The following USP44 variants were observed in gnomAD, a reference collection of about 807,000 sequenced individuals.
The protein encoded by USP44 is ubiquitin carboxyl-terminal hydrolase 44.
Under a neutral mutation model 69.0 loss-of-function variants are expected in USP44, and 61 were observed. The observed-to-expected ratio is 0.88, with a 90% CI of 0.72 to 1.09. USP44 has a LOEUF of 1.09. Ranked by LOEUF, USP44 falls within the 50% of genes least tolerant of loss-of-function variation. The probability of loss-of-function intolerance (pLI) is 0.00; values close to 1 mark genes in which losing one functional copy is unlikely to be tolerated. For missense variants in USP44, 753 were observed against 849.9 expected, an observed-to-expected ratio of 0.89 and a Z score of 1.42; for synonymous variants, 297 against 295.4, an observed-to-expected ratio of 1.01 and a Z score of -0.06.
intron 1 of USP44, among the ~76,000 whole-genome samples, chr12:95,537,054 A>G (rs2077228829): frequency 6.6e-6 from 1 of 152,206 alleles, no homozygotes; most frequent in African/African-American, 2.4e-5. Context: ...TGAATTACAA[A>G]GAGCTCTGGA....
intron 4 of USP44, among the ~76,000 whole-genome samples, chr12:95,523,847 C>T (rs2140231744): frequency 6.6e-6 from 1 of 151,050 alleles, no homozygotes; most frequent in East Asian, 1.9e-4. Context: ...TTCTGCTGGG[C>T]ACGGTGGCTC....
rs924321580 is a variant in USP44 at position 95,548,641 on chromosome 12, C to T, written c.-71+2631G>A. The T allele has an allele frequency of 6.6e-6, 1 of 152,316 alleles. No individual in the cohort carries two copies. Among genetic ancestry groups the T allele is most frequent in the Admixed American group, 6.5e-5 (1 of 15,284 alleles). 9.4% of individuals were successfully genotyped at this position (152,316 alleles called of 1,614,324 possible). On this transcript the variant is annotated intron_variant, in intron 1 of 5. Transcript: ENST00000258499. This position sits in a 1 kb window ranked among gnomAD's most constrained non-coding sequence, Gnocchi z 4.1. ...CAGGCTCTCCCTCTCTCAGGACCCC[C>T]CAGCGCCCTGCGCGGCGAGAATAGG...
rs925752432 is a variant in USP44 at position 95,533,955 on chromosome 12, G to A, written c.302C>T (p.Thr101Ile). The A allele has an allele frequency of 1.2e-6, 2 of 1,614,010 alleles. No homozygotes were observed. The highest frequency in any genetic ancestry group is 1.7e-6 in the Non-Finnish European group (2 of 1,180,032). The change falls in exon 2 of 6, where the codon ACA becomes ATA. Residue 101 changes from threonine (T) to isoleucine (I), a missense_variant. Coordinates refer to ENST00000258499, the MANE Select transcript of USP44 (RefSeq NM_032147.5). Reference protein sequence around the residue: ...TTGDLKLLRRTLSAIKSQNYH... With the variant: ...TTGDLKLLRRILSAIKSQNYH... ...ATTTTGACTTTTGATGGCACTTAAT[G>A]TACGTCGTAGTAACTTCAGGTCTCC...
chr12:95,521,989 C>T lies in USP44; in HGVS notation c.1734-787G>A, dbSNP rs1224545743. The T allele has an allele frequency of 7.3e-6, 7 of 958,226 alleles. No individual in the cohort carries two copies. The South Asian group carries it at 1.5e-4, about 20-fold the overall frequency. 59.4% of individuals were successfully genotyped at this position (958,226 alleles called of 1,614,324 possible). On this transcript the variant is annotated intron_variant, in intron 4 of 5. Coordinates refer to ENST00000258499, the MANE Select transcript of USP44 (RefSeq NM_032147.5). ...CTCGCTGTGTGTAAGTCAGCACAAC[C>T]GCCCATTGGTGACAGAACTGAAAGA...
chr12:95,535,267 A>T (rs2077163249), intron 1 of USP44: 1 of 152,218 alleles, frequency 6.6e-6, no homozygotes, highest in South Asian at 2.1e-4. Context: ...CACATGGTAA[A>T]TGGTAGTTTT....
chr12:95,543,026 T>C (rs1389938514), intron 1 of USP44, among the ~76,000 whole-genome samples: 1 of 143,724 alleles, frequency 7.0e-6, no homozygotes, highest in Non-Finnish European at 1.5e-5. Context: ...AGGCGGAGCT[T>C]GCAGTAAGCC....
rs765468256 is a variant in USP44, at chr12:95,524,721, GC to G, written c.1691del (p.Cys564SerfsTer35). 7.4e-6 allele frequency: 12 copies of G among 1,612,140 alleles called. No homozygotes were observed. Among genetic ancestry groups the G allele is most frequent in the African/African-American group, 1.3e-5 (1 of 74,812 alleles). ...LTEAQKQLMI[C>X]HLPQVLRLHL... ...GCAGTCTGAGAACCTGAGGTAGGTG[GC>G]ATATCATAAGTTGTTTCTGGGCTTC... On this transcript the variant is annotated frameshift_variant, in exon 4 of 6. Transcript: ENST00000258499. LOFTEE classifies it high-confidence loss of function.
At chr12:95,530,342 T>G (rs180997612) in intron 2 of USP44, among the ~76,000 whole-genome samples, 2 of 152,256 alleles carry the variant, frequency 1.3e-5, no homozygotes, top group Admixed American at 1.3e-4. Context: ...CATCCCAGTC[T>G]GGGTGTAGTG....
At chr12:95,546,247 A>G (rs985156144) in intron 1 of USP44, among the ~76,000 whole-genome samples, 7 of 152,096 alleles carry the variant, frequency 4.6e-5, no homozygotes, top group African/African-American at 1.4e-4. Context: ...GAATTCAAAT[A>G]CTCTGTGTGT....
At chr12:95,538,507 A>C (rs2077277962) in intron 1 of USP44, among the ~76,000 whole-genome samples, 1 of 150,554 alleles carries the variant, frequency 6.6e-6, no homozygotes, top group African/African-American at 2.5e-5. Context: ...CTAAGAACTA[A>C]GGTCTGACCT....
chr12:95,521,403 T>C (rs2076658025), intron 4 of USP44, among the ~76,000 whole-genome samples: 1 of 152,174 alleles, frequency 6.6e-6, no homozygotes, highest in South Asian at 2.1e-4. Context: ...GATGATAATG[T>C]AGGAAAAAAA....
intron 1 of USP44, chr12:95,547,851 C>T (rs1294615982): frequency 6.6e-6 from 1 of 152,124 alleles, no homozygotes; most frequent in Non-Finnish European, 1.5e-5. Flanking sequence ...CCAAGGGTTC[C>T]TAAATGGTTT....
In USP44 at chr12:95,532,814, C is replaced by T. The variant is rs777949426; in HGVS notation, c.1428+15G>A. 1.3e-6 allele frequency: 2 copies of T among 1,548,982 alleles called. No homozygotes were observed. The highest frequency in any genetic ancestry group is 4.1e-5 in the Admixed American group (2 of 48,420). On this transcript the variant is annotated intron_variant, in intron 2 of 5. Transcript: ENST00000258499. Reference sequence around the variant, plus strand: ...AACTCCCAATGATGAAAATAAGATTCTTAAAAATCCATACCTGACTAAGAA... The same window carrying T: ...AACTCCCAATGATGAAAATAAGATTTTTAAAAATCCATACCTGACTAAGAA...
At chr12:95,524,902 G>A in intron 3 of USP44, 114 bp from the exon 4 acceptor site, 1 of 952,380 alleles carries the variant, frequency 1.0e-6, no homozygotes. Context: ...TGTGTTCCAG[G>A]CATTGTACTG....
intron 1 of USP44, among the ~76,000 whole-genome samples, chr12:95,539,692 A>G (rs913869979): frequency 2.4e-4 from 37 of 152,202 alleles, no homozygotes; most frequent in African/African-American, 8.9e-4. Context: ...TTTCACACCT[A>G]TGACTGAGCA....
In USP44 at chr12:95,533,074, C is replaced by T. The variant is rs749184232; in HGVS notation, c.1183G>A (p.Gly395Arg). The stretch of plus-strand genomic sequence containing the variant: ...AATGGTGAGACCAACGCCCACTTTC[C>T]AGACCACATGACTTGGAACAAAGTA... Reference protein sequence around the residue: ...LHTLFQVMWSGKWALVSPFAM... With the variant: ...LHTLFQVMWSRKWALVSPFAM... Residue 395 changes from glycine to arginine, a missense_variant, in exon 2 of 6, where the codon GGA becomes AGA. By Grantham distance (125) the Gly-to-Arg change is moderately radical. Transcript: ENST00000258499. The T allele has an allele frequency of 3.7e-6, 6 of 1,614,216 alleles. No homozygotes were observed. Among genetic ancestry groups the T allele is most frequent in the Middle Eastern group, 1.6e-4 (1 of 6,062 alleles).
intron 3 of USP44, among the ~76,000 whole-genome samples, chr12:95,526,680 T>C (rs2076846409): frequency 6.6e-6 from 1 of 152,204 alleles, no homozygotes; most frequent in Non-Finnish European, 1.5e-5. Context: ...CATCAATTGA[T>C]ATAACATTTC....
intron 1 of USP44, among the ~76,000 whole-genome samples, chr12:95,539,227 TTTTTG>T (rs2077306316): frequency 6.6e-6 from 1 of 151,586 alleles, no homozygotes; most frequent in African/African-American, 2.4e-5. Context: ...ATGGCTTTTT[TTTTTG>T]TTTTTTTTTT....
intron 2 of USP44, among the ~76,000 whole-genome samples, chr12:95,532,001 A>G (rs1253276493): frequency 6.6e-6 from 1 of 152,150 alleles, no homozygotes; most frequent in African/African-American, 2.4e-5. Context: ...AAGGAAAATC[A>G]TATAAGATTA....
Sources: allele counts gnomAD v4.1 joint callset (sites outside exome capture counted in the v4.1 genomes callset), GRCh38; gene constraint gnomAD v4.1.1; non-coding constraint Gnocchi (gnomAD v3.1); transcripts MANE v1.5; gene names NCBI Gene and HGNC (gene_info 2026-07-23, HGNC 2026-07-21).